CEP192: variants seen among roughly 807,000 people sequenced by gnomAD.
CEP192 encodes centrosomal protein of 192 kDa.
In CEP192, 151 loss-of-function variants were observed where a neutral mutation model predicts 271.8. That is an observed-to-expected ratio of 0.56 (90% confidence interval 0.49 to 0.64). CEP192 has a LOEUF of 0.64. Among genes scored for constraint, CEP192 ranks in the 30% least tolerant of loss-of-function variants. CEP192 has a pLI of 0.00. For missense variants in CEP192, 2,910 were observed against 3,020.5 expected (o/e 0.96, Z 0.86); for synonymous variants, 995 against 1,076.5 (o/e 0.92, Z 1.48).
intron 14 of CEP192, among the ~76,000 whole-genome samples, chr18:13,041,713 C>A (rs570852260): frequency 6.6e-6 from 1 of 151,804 alleles, no homozygotes; most frequent in East Asian, 1.9e-4. Context: ...CACGGGCTCA[C>A]GCCACCATGC....
At chr18:13,023,476 A>ATTTTTTTTTTTTTTTTTT in intron 9 of CEP192, among the ~76,000 whole-genome samples, 1 of 138,840 alleles carries the variant, frequency 7.2e-6, no homozygotes, top group Non-Finnish European at 1.6e-5. Flanking sequence ...ATTTTTGTCA[A>ATTTTTTTTTTTTTTTTTT]TTTTTTTTTT....
At chr18:13,056,980 C>T (rs2037141353) in intron 19 of CEP192, among the ~76,000 whole-genome samples, 1 of 152,130 alleles carries the variant, frequency 6.6e-6, no homozygotes, top group Non-Finnish European at 1.5e-5. Flanking sequence ...AGGAAATGTC[C>T]AGTTTAGAAT....
intron 14 of CEP192, among the ~76,000 whole-genome samples, 165 bp downstream of exon 14, chr18:13,041,121 T>C (rs2036179160): frequency 6.6e-6 from 1 of 152,184 alleles, no homozygotes; most frequent in Non-Finnish European, 1.5e-5. Context: ...CCATATATCC[T>C]TTTCAATCTA....
At chr18:13,068,603 A>G (rs1294945674) in intron 24 of CEP192, among the ~76,000 whole-genome samples, 181 bp downstream of exon 24, 1 of 152,178 alleles carries the variant, frequency 6.6e-6, no homozygotes, top group Non-Finnish European at 1.5e-5. Context: ...AGTGTGGGTA[A>G]CTCCTGCAGA....
chr18:13,032,920 A>G (rs1455666801), intron 11 of CEP192, among the ~76,000 whole-genome samples: 1 of 151,942 alleles, frequency 6.6e-6, no homozygotes, highest in South Asian at 2.1e-4. Flanking sequence ...AAAGCTGACT[A>G]AGAACACACA....
At chr18:13,052,089 A>G (rs756027030) in intron 17 of CEP192, among the ~76,000 whole-genome samples, 5 of 152,186 alleles carry the variant, frequency 3.3e-5, no homozygotes, top group Non-Finnish European at 5.9e-5. Context: ...CAAGAGGTGC[A>G]GTCCGTTTCC....
At chr18:13,035,550 C>T (rs1568313745) in intron 11 of CEP192, among the ~76,000 whole-genome samples, 1 of 152,194 alleles carries the variant, frequency 6.6e-6, no homozygotes, top group Non-Finnish European at 1.5e-5. Flanking sequence ...CCCTGGGTCC[C>T]TCCCACAACA....
At chr18:13,007,184 C>T (rs192171842) in intron 3 of CEP192, among the ~76,000 whole-genome samples, 219 of 152,252 alleles carry the variant, frequency 1.4e-3, no homozygotes, top group Non-Finnish European at 2.1e-3. Context: ...CTGGGGTAAG[C>T]GTGGGTTAGG....
At chr18:13,024,279 G>A (rs904233587) in intron 9 of CEP192, 1 of 456,016 alleles carries the variant, frequency 2.2e-6, no homozygotes, top group South Asian at 1.6e-5. Flanking sequence ...CTACTTTGAA[G>A]TCTGCTCTGT....
chr18:13,065,315 T>C (rs1049095069), intron 21 of CEP192, among the ~76,000 whole-genome samples: 1 of 152,194 alleles, frequency 6.6e-6, no homozygotes, highest in African/African-American at 2.4e-5. Flanking sequence ...TTGTGTATGT[T>C]CTCCAGCCAA....
rs1248064100 is a variant in CEP192 at position 13,029,990 on chromosome 18, A to G, written c.1378A>G (p.Lys460Glu). 1 of 1,548,804 alleles carries G rather than the reference A, an allele frequency of 6.5e-7. No homozygotes were observed. The highest frequency in any genetic ancestry group is 2.0e-5 in the Admixed American group (1 of 50,792). The change falls in exon 10 of 45, where the codon AAG becomes GAG. Residue 460 changes from lysine (K) to glutamate (E), a missense_variant. Physicochemically the swap from Lys to Glu is moderately conservative, Grantham distance 56. Transcript: ENST00000506447. ...RTCECHESIE[K>E]NKDKTDLPQS... ...ATGTGAATGTCACGAGTCCATCGAA[A>G]AGAATAAAGACAGTAAGTGGACTTT...
intron 13 of CEP192, among the ~76,000 whole-genome samples, chr18:13,040,191 A>G (rs762689448): frequency 2.0e-5 from 3 of 152,248 alleles, no homozygotes; most frequent in African/African-American, 7.2e-5. Context: ...TTGTTGTGGT[A>G]TAAGTGATGA....
Position 13,087,066 on chromosome 18 carries a change from T to A in CEP192, c.5666T>A (p.Val1889Asp). 1 of 1,613,274 alleles carries A rather than the reference T, an allele frequency of 6.2e-7. No individual in the cohort carries two copies. The highest frequency in any genetic ancestry group is 8.5e-7 in the Non-Finnish European group (1 of 1,179,252). The change falls in exon 31 of 45, where the codon GTT (valine) becomes GAT (aspartate). Residue 1889 changes from valine (V) to aspartate (D), a missense_variant. Coordinates refer to ENST00000506447, the MANE Select transcript of CEP192 (RefSeq NM_032142.4). ...ACAAGCAATCTTATTTTGGAAGGCG[T>A]TAAAAAATTATCTGACAGTTACATG... is the stretch of plus-strand genomic sequence containing the variant. ...GGTSNLILEG[V>D]KKLSDSYMVT...
intron 21 of CEP192, among the ~76,000 whole-genome samples, chr18:13,064,663 G>T (rs945115405): frequency 2.6e-5 from 4 of 151,640 alleles, no homozygotes; most frequent in Non-Finnish European, 4.4e-5. Flanking sequence ...TTTGTGTTTG[G>T]GTCCTCTATT....
intron 21 of CEP192, among the ~76,000 whole-genome samples, chr18:13,065,857 T>C (rs1396221254): frequency 6.6e-6 from 1 of 152,194 alleles, no homozygotes; most frequent in Non-Finnish European, 1.5e-5. Context: ...CTAGAACTAA[T>C]CTCATCACAC....
At chr18:13,122,964 C>G (rs1184948710) in intron 44 of CEP192, among the ~76,000 whole-genome samples, 2 of 152,044 alleles carry the variant, frequency 1.3e-5, no homozygotes, top group Non-Finnish European at 2.9e-5. Context: ...GTGGTTCTTT[C>G]TAAATTGCAT....
chr18:13,090,761 C>T (rs2039103647), intron 33 of CEP192, among the ~76,000 whole-genome samples: 1 of 152,206 alleles, frequency 6.6e-6, no homozygotes, highest in African/African-American at 2.4e-5. Context: ...TGTCCCACTA[C>T]AGCCCCACCT....
intron 5 of CEP192, among the ~76,000 whole-genome samples, chr18:13,013,315 G>A (rs1002288892): frequency 6.6e-6 from 1 of 152,122 alleles, no homozygotes; most frequent in African/African-American, 2.4e-5. Context: ...TTAGCTCCAT[G>A]AGGGCAAGCA....
intron 13 of CEP192, 40 bp downstream of exon 13, chr18:13,038,619 A>G: frequency 1.4e-6 from 2 of 1,432,572 alleles, no homozygotes; most frequent in South Asian, 2.5e-5. Context: ...CAGTCACCAG[A>G]TTTTAGATTT....
Sources: allele counts gnomAD v4.1 joint callset (sites outside exome capture counted in the v4.1 genomes callset), GRCh38; gene constraint gnomAD v4.1.1; transcripts MANE v1.5; gene names NCBI Gene and HGNC (gene_info 2026-07-23, HGNC 2026-07-21).